Variants in WNK3 observed in about 807,000 individuals in gnomAD.
WNK3 encodes WNK lysine deficient protein kinase 3.
WNK3 carries 18 observed loss-of-function variants against 116.7 expected under a neutral mutation model. That is an observed-to-expected ratio of 0.15 (90% CI 0.11 to 0.23). The LOEUF is 0.23. WNK3 is among the 10% of genes least tolerant of loss of function. The pLI is 1.00. For missense variants in WNK3, 993 were observed against 1,323.8 expected, an observed-to-expected ratio of 0.75 and a Z score of 3.88; for synonymous variants, 404 against 469.4, an observed-to-expected ratio of 0.86 and a Z score of 1.80.
chrX:54,316,401 G>A (rs1476836400), intron 2 of WNK3, among the ~76,000 whole-genome samples: 2 of 109,422 alleles, frequency 1.8e-5, no homozygotes, highest in East Asian at 2.9e-4. Context: ...GTAGCCAGGC[G>A]TGGTGGCAGG....
chrX:54,315,968 A>C (rs1274945123), intron 2 of WNK3, among the ~76,000 whole-genome samples: 2 of 111,307 alleles, frequency 1.8e-5, no homozygotes, highest in African/African-American at 6.5e-5. Flanking sequence ...CCTACTCTGC[A>C]GACTAAAAAT....
intron 5 of WNK3, among the ~76,000 whole-genome samples, chrX:54,302,757 A>ATATATATATT (rs1557167848): frequency 2.3e-5 from 1 of 43,367 alleles, no homozygotes; most frequent in African/African-American, 1.1e-4. Context: ...ATATATATAT[A>ATATATATATT]TTTTTTTTTT....
chrX:54,262,438 TC>T (rs2068266152), intron 10 of WNK3, among the ~76,000 whole-genome samples: 1 of 112,016 alleles, frequency 8.9e-6, no homozygotes, highest in African/African-American at 3.2e-5. Flanking sequence ...GCTTTTTGCT[TC>T]CTTTTTATTA....
At chrX:54,225,339 G>A (rs1481057383) in intron 22 of WNK3, among the ~76,000 whole-genome samples, 5 of 109,803 alleles carry the variant, frequency 4.6e-5, no homozygotes, top group African/African-American at 1.7e-4. Flanking sequence ...AAGACAACCT[G>A]GCTGGGCGTG....
intron 8 of WNK3, among the ~76,000 whole-genome samples, chrX:54,293,861 T>C (rs2068667816): frequency 8.9e-6 from 1 of 112,234 alleles, no homozygotes; most frequent in African/African-American, 3.2e-5. Context: ...ATTTTATCTT[T>C]AGTTCTAAAT....
At chrX:54,317,564 CAT>C (rs1557171262) in intron 2 of WNK3, among the ~76,000 whole-genome samples, 2 of 111,095 alleles carry the variant, frequency 1.8e-5, no homozygotes, top group Non-Finnish European at 3.8e-5. Flanking sequence ...TAGGCACATT[CAT>C]AGAGACAGAA....
At chrX:54,327,975 T>G (rs1163215303) in intron 2 of WNK3, among the ~76,000 whole-genome samples, 2 of 75,451 alleles carry the variant, frequency 2.7e-5, no homozygotes, top group Admixed American at 2.9e-4. Context: ...TCTCAAAAAA[T>G]AAAAAAGAAA....
chrX:54,306,639 G>C (rs934158324), intron 5 of WNK3, among the ~76,000 whole-genome samples: 1 of 110,936 alleles, frequency 9.0e-6, no homozygotes, highest in Non-Finnish European at 1.9e-5. Context: ...TGGGAGTTGT[G>C]GGGGAGGAAA....
chrX:54,318,359 C>CAAAAA (rs1189388992), intron 2 of WNK3, among the ~76,000 whole-genome samples: 1 of 68,135 alleles, frequency 1.5e-5, no homozygotes. Flanking sequence ...GACTCTGTCT[C>CAAAAA]AAAAAAAAAA....
At chrX:54,270,111 T>A (rs924213903) in intron 10 of WNK3, among the ~76,000 whole-genome samples, 2 of 111,429 alleles carry the variant, frequency 1.8e-5, no homozygotes, top group Admixed American at 1.9e-4. Context: ...AGCTCCTTTT[T>A]TGTGTCTGTG....
intron 1 of WNK3, among the ~76,000 whole-genome samples, chrX:54,337,012 G>C (rs1557175494): frequency 9.0e-6 from 1 of 110,870 alleles, no homozygotes; most frequent in African/African-American, 3.3e-5. Flanking sequence ...GTGAAAAAAA[G>C]TTAACTAGTT....
intron 22 of WNK3, among the ~76,000 whole-genome samples, chrX:54,217,732 C>G (rs2067715345): frequency 9.0e-6 from 1 of 111,133 alleles, no homozygotes; most frequent in Admixed American, 9.7e-5. Context: ...CTGCAGTGAA[C>G]TAGATCATGC....
intron 22 of WNK3, among the ~76,000 whole-genome samples, chrX:54,225,252 A>AAATAAT (rs782103097): frequency 1.4e-4 from 15 of 107,298 alleles, no homozygotes; most frequent in Admixed American, 7.1e-4. Flanking sequence ...CCCTGCCTCA[A>AAATAAT]AATAATAATA....
chrX:54,225,620 C>CAAAA (rs781823865), intron 22 of WNK3, among the ~76,000 whole-genome samples: 1 of 50,854 alleles, frequency 2.0e-5, no homozygotes, highest in African/African-American at 5.8e-5. Context: ...GACTCTGTTT[C>CAAAA]AAAAAAAAAA....
At chrX:54,286,116 AC>A (rs1464529512) in intron 10 of WNK3, among the ~76,000 whole-genome samples, 6 of 110,699 alleles carry the variant, frequency 5.4e-5, no homozygotes, top group African/African-American at 2.0e-4. Context: ...AGGAAAGTAT[AC>A]AACACGTGCA....
chrX:54,341,572 G>A (rs1019827335), intron 1 of WNK3, among the ~76,000 whole-genome samples: 1 of 109,674 alleles, frequency 9.1e-6, no homozygotes, highest in South Asian at 3.9e-4. Context: ...TGCTACCCTG[G>A]GCAATATAGC....
At chrX:54,258,621 A>T (rs2068222480) in intron 11 of WNK3, among the ~76,000 whole-genome samples, 1 of 110,575 alleles carries the variant, frequency 9.0e-6, no homozygotes, top group African/African-American at 3.3e-5. Flanking sequence ...GGTGTGAGCC[A>T]CTGCACCCGG....
At chrX:54,281,589 C>T (rs1557162423) in intron 10 of WNK3, among the ~76,000 whole-genome samples, 2 of 111,918 alleles carry the variant, frequency 1.8e-5, no homozygotes, top group Non-Finnish European at 3.8e-5. Flanking sequence ...ATTTCTCCTA[C>T]TTCTCAGCCC....
At chrX:54,242,802 G>A (rs2068035972) in intron 17 of WNK3, among the ~76,000 whole-genome samples, 1 of 111,225 alleles carries the variant, frequency 9.0e-6, no homozygotes, top group African/African-American at 3.3e-5. Context: ...GTAATTATAA[G>A]AGCTAACAAA....
Sources: gnomAD v4.1 joint callset for allele counts (sites outside exome capture counted in the v4.1 genomes callset) on GRCh38, gnomAD v4.1.1 for gene constraint, MANE v1.5 for transcripts, NCBI Gene and HGNC (gene_info 2026-07-23, HGNC 2026-07-21) for gene names.